CACNA2D1: variants seen among roughly 807,000 people sequenced by gnomAD.
CACNA2D1 encodes the protein voltage-dependent calcium channel subunit alpha-2/delta-1.
CACNA2D1 carries 53 observed loss-of-function variants against 171.5 expected under a neutral mutation model. The observed-to-expected ratio is 0.31, with a 90% confidence interval of 0.25 to 0.39. The LOEUF (loss-of-function observed/expected upper bound fraction) is 0.39, where lower values mean the gene tolerates loss of function less well. Ranked by LOEUF, CACNA2D1 falls within the 10% of genes least tolerant of loss-of-function variation. CACNA2D1 has a pLI of 1.00. For missense variants in CACNA2D1, 903 were observed against 1,299.8 expected (o/e 0.69, Z 4.69); for synonymous variants, 442 against 443.1 (o/e 1.00, Z 0.03).
At chr7:82,082,654 T>C (rs1422025141) in intron 7 of CACNA2D1, among the ~76,000 whole-genome samples, 1 of 151,144 alleles carries the variant, frequency 6.6e-6, no homozygotes, top group African/African-American at 2.4e-5. Flanking sequence ...CCAGGACTTA[T>C]AGCTAGGCTT....
In CACNA2D1 at chr7:81,967,210, G is replaced by A; in HGVS notation, c.2464-3C>T. 1 of 1,606,670 alleles carries A rather than the reference G, an allele frequency of 6.2e-7. No homozygotes were observed. Among genetic ancestry groups the A allele is most frequent in the Non-Finnish European group, 8.5e-7 (1 of 1,174,758 alleles). ...CAGTCACAAACTGGACCAGCACACT[G>A]AAAGACAAAAATGCGATTATCACCT... On this transcript the variant is annotated splice_polypyrimidine_tract_variant and splice_region_variant and intron_variant, in intron 30 of 38. Transcript: ENST00000356860.
chr7:82,286,442 AT>A (rs1395276199), intron 3 of CACNA2D1, among the ~76,000 whole-genome samples: 1 of 152,204 alleles, frequency 6.6e-6, no homozygotes, highest in Admixed American at 6.5e-5. Flanking sequence ...ACTCAAAATA[AT>A]TTTAAAACTC....
chr7:82,201,365 AT>A (rs1799415400), intron 3 of CACNA2D1, among the ~76,000 whole-genome samples: 1 of 152,180 alleles, frequency 6.6e-6, no homozygotes, highest in African/African-American at 2.4e-5. Flanking sequence ...ATCTAGTCAC[AT>A]TTTTTTAATC....
At chr7:82,060,248 A>AT (rs1806682487) in intron 10 of CACNA2D1, among the ~76,000 whole-genome samples, 180 bp downstream of exon 10, 1 of 62,898 alleles carries the variant, frequency 1.6e-5, no homozygotes, top group African/African-American at 4.4e-5. Context: ...ATGTATAAAA[A>AT]ACCTTAAAAA....
At chr7:82,108,387 G>A (rs368011062) in intron 6 of CACNA2D1, among the ~76,000 whole-genome samples, 2 of 152,048 alleles carry the variant, frequency 1.3e-5, no homozygotes, top group African/African-American at 4.8e-5. Flanking sequence ...CCTCTTCATC[G>A]TAGAAGGCCA....
chr7:82,106,659 C>T (rs576543063), intron 6 of CACNA2D1, among the ~76,000 whole-genome samples: 54 of 151,934 alleles, frequency 3.6e-4, no homozygotes, highest in Admixed American at 1.1e-3. Context: ...ACAATATTTT[C>T]TTTAAACATT....
chr7:82,350,830 G>T (rs1333005915), intron 1 of CACNA2D1, among the ~76,000 whole-genome samples: 6 of 151,928 alleles, frequency 3.9e-5, no homozygotes, highest in Non-Finnish European at 8.8e-5. Flanking sequence ...CAATAGTTTT[G>T]ATCATTACAA....
chr7:82,278,142 G>C (rs1489501293), intron 3 of CACNA2D1, among the ~76,000 whole-genome samples: 1 of 151,862 alleles, frequency 6.6e-6, no homozygotes. Context: ...TTCAACTTTT[G>C]GTATGATTCC....
At chr7:82,271,618 C>T (rs770529490) in intron 3 of CACNA2D1, among the ~76,000 whole-genome samples, 10 of 151,928 alleles carry the variant, frequency 6.6e-5, no homozygotes, top group Non-Finnish European at 1.5e-4. Flanking sequence ...TATATTCTCC[C>T]TTTTGTGTGT....
At chr7:81,974,579 AG>A in intron 24 of CACNA2D1, 27 bp from the exon 25 acceptor site, 1 of 1,200,450 alleles carries the variant, frequency 8.3e-7, no homozygotes, top group Non-Finnish European at 1.2e-6. Flanking sequence ...TTGAGATATT[AG>A]ATATTAAAAT....
chr7:81,951,973 T>G (rs1394422909), intron 38 of CACNA2D1, among the ~76,000 whole-genome samples: 1 of 147,648 alleles, frequency 6.8e-6, no homozygotes, highest in Non-Finnish European at 1.5e-5. Context: ...CAAAGTGTTT[T>G]TTTTTTTTTT....
At chr7:82,311,598 A>G (rs1460890643) in intron 3 of CACNA2D1, among the ~76,000 whole-genome samples, 3 of 152,188 alleles carry the variant, frequency 2.0e-5, no homozygotes, top group Non-Finnish European at 4.4e-5. Context: ...AACTTTTGTG[A>G]GCACAATTTA....
Position 82,309,177 on chromosome 7 carries a change from G to A in CACNA2D1, c.294+25958C>T, listed in dbSNP as rs182662960. Among the ~76,000 whole-genome samples the A allele has an allele frequency of 5.3e-3, 799 of 152,190 alleles. 7 individuals are homozygous for A. Among genetic ancestry groups the A allele is most frequent in the Non-Finnish European group, 5.7e-3 (387 of 67,992 alleles). On this transcript the variant is annotated intron_variant, in intron 3 of 38. Coordinates refer to ENST00000356860, the MANE Select transcript of CACNA2D1 (RefSeq NM_000722.4). ...TACCAGCACTTTGGGAGACCGAGGC[G>A]GGTGGATCACCTGAGGTCAGGAGTT... is the stretch of plus-strand genomic sequence containing the variant.
At chr7:82,009,798 A>T (rs572526859) in intron 15 of CACNA2D1, among the ~76,000 whole-genome samples, 45 of 152,078 alleles carry the variant, frequency 3.0e-4, no homozygotes, top group Non-Finnish European at 5.0e-4. Context: ...TGAGTACTGC[A>T]CATGTCTCTA....
At chr7:82,079,002 G>T (rs1011696) in intron 7 of CACNA2D1, among the ~76,000 whole-genome samples, 61,451 of 152,010 alleles carry the variant, frequency 0.4, 13,138 homozygotes, top group Middle Eastern at 0.55. Context: ...TATAAAGCAG[G>T]TTCATGTTCA....
chr7:81,991,353 C>A, intron 20 of CACNA2D1, 107 bp from the exon 21 acceptor site: 1 of 699,362 alleles, frequency 1.4e-6, no homozygotes, highest in South Asian at 1.6e-5. Context: ...ATTTAATACT[C>A]ATCTTTACAA....
chr7:82,144,206 T>G (rs1338137173), intron 4 of CACNA2D1, among the ~76,000 whole-genome samples: 1 of 152,054 alleles, frequency 6.6e-6, no homozygotes, highest in Non-Finnish European at 1.5e-5. Flanking sequence ...CTTAAGCTAG[T>G]AAGAATTTGG....
intron 1 of CACNA2D1, among the ~76,000 whole-genome samples, chr7:82,404,993 T>C (rs1434044653): frequency 6.6e-6 from 1 of 152,252 alleles, no homozygotes; most frequent in Non-Finnish European, 1.5e-5. Flanking sequence ...TTGAGAGTTA[T>C]TCTCATTGAG....
chr7:82,023,696 C>T (rs1322936451), intron 12 of CACNA2D1: 4 of 151,586 alleles, frequency 2.6e-5, no homozygotes, highest in Non-Finnish European at 5.9e-5. Flanking sequence ...ATCTACCATC[C>T]TAACACACAT....
Sources: allele counts gnomAD v4.1 joint callset (sites outside exome capture counted in the v4.1 genomes callset), GRCh38; gene constraint gnomAD v4.1.1; transcripts MANE v1.5; gene names NCBI Gene and HGNC (gene_info 2026-07-23, HGNC 2026-07-21).